C22orf23: variants seen among roughly 807,000 people sequenced by gnomAD.
C22orf23 encodes UPF0193 protein EVG1.
In C22orf23, 30 loss-of-function variants were observed where a neutral mutation model predicts 29.7. That is an observed-to-expected ratio of 1.01 (90% CI 0.76 to 1.37). The LOEUF (loss-of-function observed/expected upper bound fraction) is 1.37, where lower values mean the gene tolerates loss of function less well. C22orf23 is among the 40% of genes most tolerant of loss of function. The probability of loss-of-function intolerance (pLI) is 0.00; values close to 1 mark genes in which losing one functional copy is unlikely to be tolerated. For synonymous variants in C22orf23, 90 were observed against 96.1 expected (o/e 0.94, Z 0.37); for missense variants, 237 against 273.1 (o/e 0.87, Z 0.93).
At chr22:37,951,797 C>CTTTTTTTTTATTTTTTTTTTTTTTTTTT (rs1931036171) in intron 2 of C22orf23, 1 of 38,722 alleles carries the variant, frequency 2.6e-5, no homozygotes, top group Non-Finnish European at 4.6e-5. Context: ...TCCTCTTTCT[C>CTTTTTTTTTATTTTTTTTTTTTTTTTTT]TTTTTTTTTT....
intron 5 of C22orf23, 186 bp downstream of exon 5, chr22:37,944,856 C>T (rs571492654): frequency 4.1e-5 from 27 of 659,674 alleles, no homozygotes; most frequent in Admixed American, 9.7e-5. Context: ...GCCCAGATCA[C>T]GCCACTGCAC....
At chr22:37,944,896 C>T in intron 5 of C22orf23, 146 bp downstream of exon 5, 2 of 907,880 alleles carry the variant, frequency 2.2e-6, no homozygotes, top group Non-Finnish European at 3.3e-6. Flanking sequence ...GCAAGACTGT[C>T]TCAAAATAAA....
Position 37,947,346 on chromosome 22 carries a change from CGGA to C in C22orf23, c.281_283del (p.Leu94del). The C allele has an allele frequency of 6.2e-7, 1 of 1,613,740 alleles. No homozygotes were observed. ...ATTGGCTTGACACATGTTGGCAGGC[CGGA>C]GGTGGGGACGGGCTGCGAGGATGGG... On this transcript the variant is annotated inframe_deletion, in exon 4 of 7. Coordinates refer to ENST00000403305, the MANE Select transcript of C22orf23 (RefSeq NM_032561.5).
Position 37,943,848 on chromosome 22 carries a change from C to T in C22orf23, c.*327G>A, listed in dbSNP as rs1419943380. On this transcript the variant is annotated 3_prime_UTR_variant, in exon 7 of 7. Coordinates refer to ENST00000403305, the MANE Select transcript of C22orf23 (RefSeq NM_032561.5). The stretch of plus-strand genomic sequence containing the variant: ...AGGAAGAAAGGAATCATATTCATTC[C>T]TGAATTCAGAAAACTAAATGAACAG... The T allele has an allele frequency of 1.2e-5, 4 of 344,668 alleles. No homozygotes were observed. Among genetic ancestry groups the T allele is most frequent in the Non-Finnish European group, 2.1e-5 (4 of 188,040 alleles). The allele number at this position is 344,668 out of a possible 1,614,324, so 21.4% of individuals were successfully genotyped here.
At chr22:37,945,286 C>G (rs1930630366) in intron 4 of C22orf23, 113 bp from the exon 5 acceptor site, 1 of 1,282,894 alleles carries the variant, frequency 7.8e-7, no homozygotes, top group African/African-American at 1.5e-5. Flanking sequence ...GCAGACAGGG[C>G]TTCCGTACAC....
chr22:37,950,353 C>T (rs1930941033), intron 3 of C22orf23, among the ~76,000 whole-genome samples: 1 of 152,040 alleles, frequency 6.6e-6, no homozygotes, highest in African/African-American at 2.4e-5. Context: ...CTCAGGTGAT[C>T]TGCCCGCCTC....
Position 37,944,410 on chromosome 22 carries a change from C to T in C22orf23, c.582+7G>A. The T allele has an allele frequency of 6.2e-7, 1 of 1,614,054 alleles. No individual in the cohort carries two copies. Among genetic ancestry groups the T allele is most frequent in the Non-Finnish European group, 8.5e-7 (1 of 1,179,926 alleles). On this transcript the variant is annotated splice_region_variant and intron_variant, in intron 6 of 6. Transcript: ENST00000403305. ...CCCCTCCCCACTTTCCTGGTTGTTT[C>T]TCCTACCTGGGAGATTTCAGCAAGG... is the stretch of plus-strand genomic sequence containing the variant.
At chr22:37,945,226 C>T (rs1390169306) in intron 4 of C22orf23, 53 bp from the exon 5 acceptor site, 4 of 1,577,308 alleles carry the variant, frequency 2.5e-6, no homozygotes, top group African/African-American at 1.4e-5. Flanking sequence ...TGCCCTTATT[C>T]ATGGTCTGTG....
At chr22:37,951,135 C>G (rs1930985586) in intron 3 of C22orf23, 1 of 203,784 alleles carries the variant, frequency 4.9e-6, no homozygotes, top group African/African-American at 2.3e-5. Flanking sequence ...TGGCATGAAC[C>G]CGGGAGGCAG....
chr22:37,951,221 A>AAC, intron 3 of C22orf23: 1 of 413,372 alleles, frequency 2.4e-6, no homozygotes, highest in Non-Finnish European at 4.4e-6. Flanking sequence ...CAAAAAAAAA[A>AAC]AAGGTTTTGT....
At chr22:37,944,697 G>A (rs1930589795) in intron 5 of C22orf23, 180 bp from the exon 6 acceptor site, 5 of 592,158 alleles carry the variant, frequency 8.4e-6, no homozygotes, top group Admixed American at 3.0e-5. Context: ...TCAGGAGTTC[G>A]AGACCAGCCT....
intron 4 of C22orf23, among the ~76,000 whole-genome samples, chr22:37,946,973 A>C (rs1355236979): frequency 6.6e-6 from 1 of 151,538 alleles, no homozygotes; most frequent in Non-Finnish European, 1.5e-5. Context: ...GTGGCAACTT[A>C]TGTATAGGGG....
At position 37,944,434 on chromosome 22, in the gene C22orf23, G is replaced by A; in HGVS notation, c.565C>T (p.Leu189Phe). 1 of 1,614,176 alleles carries A rather than the reference G, an allele frequency of 6.2e-7. No individual in the cohort carries two copies. The highest frequency in any genetic ancestry group is 8.5e-7 in the Non-Finnish European group (1 of 1,180,028). ...GQGKQYRGII[L>F]AEISQKLREM... ...TCTCCTACCTGGGAGATTTCAGCAAGGATGATTCCTCGGTACTGTTTGCCC... is the reference window on the plus strand; with the variant it reads ...TCTCCTACCTGGGAGATTTCAGCAAAGATGATTCCTCGGTACTGTTTGCCC... The change falls in exon 6 of 7, where the codon CTT becomes TTT. Residue 189 changes from leucine to phenylalanine, a missense_variant. By Grantham distance (22) the Leu-to-Phe change is conservative. Coordinates refer to ENST00000403305, the MANE Select transcript of C22orf23 (RefSeq NM_032561.5).
rs1170411746 is a variant in C22orf23, at chr22:37,944,042, AG to A, written c.*132del. 1.1e-5 allele frequency: 9 copies of A among 813,518 alleles called. No individual in the cohort carries two copies. Among genetic ancestry groups the A allele is most frequent in the Non-Finnish European group, 1.9e-5 (9 of 469,320 alleles). 50.4% of individuals were successfully genotyped at this position (813,518 alleles called of 1,614,324 possible). A position where few individuals can be genotyped will look rare whatever the true frequency, so the allele number is the denominator to read the frequency against. ...TGCTGAGTATGCCTTGGGGTACTGC[AG>A]GGCAGTGCTATGCCACCACCTGACG... On this transcript the variant is annotated 3_prime_UTR_variant, in exon 7 of 7. Coordinates refer to ENST00000403305, the MANE Select transcript of C22orf23 (RefSeq NM_032561.5).
chr22:37,948,841 ACT>A (rs894262648), intron 3 of C22orf23, among the ~76,000 whole-genome samples: 8 of 151,898 alleles, frequency 5.3e-5, no homozygotes, highest in African/African-American at 1.9e-4. Flanking sequence ...AAAATAACAG[ACT>A]CTTTTCACTT....
upstream of C22orf23, chr22:37,953,609 C>T: frequency 1.4e-6 from 1 of 699,304 alleles, no homozygotes; most frequent in Non-Finnish European, 2.3e-6. Context: ...TATAGAAACG[C>T]GCACACACCA....
intron 6 of C22orf23, 62 bp downstream of exon 6, chr22:37,944,355 A>G: frequency 6.2e-7 from 1 of 1,613,336 alleles, no homozygotes; most frequent in Non-Finnish European, 8.5e-7. Flanking sequence ...CAGACCCTGT[A>G]TTTCCATTCG....
rs545587141 is a variant in C22orf23 at position 37,947,333 on chromosome 22, CAT to C, written c.295_296del (p.Met99ValfsTer55). The C allele has an allele frequency of 2.5e-6, 4 of 1,613,866 alleles. No homozygotes were observed. In the South Asian group the frequency reaches 4.4e-5, roughly 18 times the overall value. ...AARPHLRPAN[M>X]CQANGAYSRE... ...GGCTGTAGGCCCCATTGGCTTGACACATGTTGGCAGGCCGGAGGTGGGGACGG... is the reference window on the plus strand; with the variant it reads ...GGCTGTAGGCCCCATTGGCTTGACACGTTGGCAGGCCGGAGGTGGGGACGG... On this transcript the variant is annotated frameshift_variant, in exon 4 of 7. Transcript: ENST00000403305. LOFTEE classifies it high-confidence loss of function.
intron 4 of C22orf23, among the ~76,000 whole-genome samples, chr22:37,946,833 C>T (rs2145695699): frequency 6.7e-6 from 1 of 150,220 alleles, no homozygotes; most frequent in East Asian, 2.0e-4. Flanking sequence ...GAGATAGCAC[C>T]ACTGCACTCC....
Sources: allele counts gnomAD v4.1 joint callset (sites outside exome capture counted in the v4.1 genomes callset), GRCh38; gene constraint gnomAD v4.1.1; transcripts MANE v1.5; gene names NCBI Gene and HGNC (gene_info 2026-07-23, HGNC 2026-07-21).